The following STRAP variants were observed in gnomAD, a reference collection of about 807,000 sequenced individuals.
STRAP encodes the protein serine/threonine kinase receptor associated protein, also known as serine-threonine kinase receptor-associated protein.
STRAP carries 16 observed loss-of-function variants against 47.0 expected under a neutral mutation model. That is an observed-to-expected ratio of 0.34 (90% CI 0.23 to 0.52). STRAP has a LOEUF of 0.52. Ranked by LOEUF, STRAP falls within the 20% of genes least tolerant of loss-of-function variation. The pLI, the probability that STRAP is intolerant of heterozygous loss-of-function variation, is 0.96. For synonymous variants in STRAP, 130 were observed against 142.7 expected (o/e 0.91, Z 0.63); for missense variants, 293 against 420.0 (o/e 0.70, Z 2.64).
chr12:15,886,518 A>C (rs1004670867), intron 2 of STRAP, among the ~76,000 whole-genome samples: 7 of 152,188 alleles, frequency 4.6e-5, no homozygotes, highest in Non-Finnish European at 7.3e-5. Flanking sequence ...GAACAGAGAG[A>C]TCTTTCTCCA....
intron 7 of STRAP, among the ~76,000 whole-genome samples, chr12:15,898,714 T>C (rs963549702): frequency 6.6e-6 from 1 of 151,202 alleles, no homozygotes; most frequent in Non-Finnish European, 1.5e-5. Flanking sequence ...TTTTAGCCTT[T>C]CCAAATAGTT....
chr12:15,898,222 G>C, intron 7 of STRAP: 1 of 305,582 alleles, frequency 3.3e-6, no homozygotes, highest in South Asian at 6.1e-5. Flanking sequence ...TGTAAACAAA[G>C]TATGCAGAAA....
At chr12:15,897,162 C>T (rs1948066000) in intron 6 of STRAP, among the ~76,000 whole-genome samples, 1 of 152,148 alleles carries the variant, frequency 6.6e-6, no homozygotes, top group African/African-American at 2.4e-5. Flanking sequence ...CTTTAATTAA[C>T]ATGCTTTAAA....
chr12:15,891,529 A>G (rs1186839363), intron 4 of STRAP, among the ~76,000 whole-genome samples: 1 of 152,252 alleles, frequency 6.6e-6, no homozygotes, highest in East Asian at 1.9e-4. Flanking sequence ...GGCTACTTAC[A>G]GATTTTAAAT....
chr12:15,901,188 C>A (rs529384228), intron 9 of STRAP, among the ~76,000 whole-genome samples, 176 bp downstream of exon 9: 28 of 151,964 alleles, frequency 1.8e-4, no homozygotes, highest in Non-Finnish European at 3.5e-4. Flanking sequence ...TATTTAAATA[C>A]CTACTGCATA....
chr12:15,883,926 T>G (rs1044994331), intron 2 of STRAP, among the ~76,000 whole-genome samples: 72 of 152,238 alleles, frequency 4.7e-4, no homozygotes, highest in African/African-American at 1.7e-3. Flanking sequence ...CTCAGGAATC[T>G]GCATTAACAA....
Position 15,900,952 on chromosome 12 carries a change from G to A in STRAP, c.931G>A (p.Asp311Asn), listed in dbSNP as rs756855420. ...CATTGCTTTTCTTTTTACAGAAGAA[G>A]ATAGTGGTGAGCTGGCAAAGCCAAA... ...GLWKCVLPEE[D>N]SGELAKPKIG... Residue 311 changes from aspartate (D) to asparagine (N), a missense_variant, in exon 9 of 10, where the codon GAT (aspartate) becomes AAT (asparagine). By Grantham distance (23) the Asp-to-Asn change is conservative (BLOSUM62 1). Around this residue, in one of 5 missense-constraint regions of STRAP, gnomAD observed 52 missense variants for 45.0 expected, o/e 1.16. Transcript: ENST00000419869. 3.8e-6 allele frequency: 6 copies of A among 1,592,636 alleles called. 1 individual carries two copies. The South Asian group carries it at 6.9e-5, about 18-fold the overall frequency.
intron 2 of STRAP, among the ~76,000 whole-genome samples, chr12:15,884,533 A>C (rs1035071717): frequency 6.7e-6 from 1 of 148,678 alleles, no homozygotes; most frequent in African/African-American, 2.5e-5. Context: ...CTTTTTTACT[A>C]TATATTTATA....
At chr12:15,882,928 G>A in intron 1 of STRAP, 109 bp downstream of exon 1, 3 of 1,349,026 alleles carry the variant, frequency 2.2e-6, no homozygotes, top group Non-Finnish European at 3.1e-6. Flanking sequence ...GGGAGGGGGC[G>A]ATATTAACAT....
intron 8 of STRAP, 36 bp downstream of exon 8, chr12:15,900,089 A>G: frequency 6.4e-7 from 1 of 1,571,526 alleles, no homozygotes; most frequent in Non-Finnish European, 8.6e-7. Context: ...AAATTTTTAA[A>G]ATGCATGATT....
At chr12:15,898,199 G>C (rs950301246) in intron 7 of STRAP, 181 bp downstream of exon 7, 10 of 382,494 alleles carry the variant, frequency 2.6e-5, no homozygotes, top group African/African-American at 2.2e-4. Context: ...TGGGTCAGAT[G>C]CTTTTATAGA....
At chr12:15,893,258 C>G (rs1287077727) in intron 4 of STRAP, among the ~76,000 whole-genome samples, 1 of 151,772 alleles carries the variant, frequency 6.6e-6, no homozygotes, top group East Asian at 1.9e-4. Context: ...TTTTTTCCTT[C>G]CAACCCTTAT....
chr12:15,900,105 T>G lies in STRAP; in HGVS notation c.925+52T>G, dbSNP rs543283895. On this transcript the variant is annotated intron_variant, in intron 8 of 9. Coordinates refer to ENST00000419869, the MANE Select transcript of STRAP (RefSeq NM_007178.4). ...AATTTTTAAAATGCATGATTTTATG[T>G]CATTTTTAATCATTAATTTTATTTC... is the stretch of plus-strand genomic sequence containing the variant. 7 of 1,489,904 alleles carry G rather than the reference T, an allele frequency of 4.7e-6. No individual in the cohort carries two copies. The Middle Eastern group carries it at 5.5e-4, about 117-fold the overall frequency. 92.3% of individuals were successfully genotyped at this position (1,489,904 alleles called of 1,614,324 possible). A position where few individuals can be genotyped will look rare whatever the true frequency, so the allele number is the denominator to read the frequency against.
chr12:15,900,770 A>G (rs1948096440), intron 8 of STRAP, 177 bp from the exon 9 acceptor site: 1 of 445,484 alleles, frequency 2.2e-6, no homozygotes, highest in Non-Finnish European at 3.8e-6. Flanking sequence ...CCTAAAAGTA[A>G]TTTTAAAGAA....
chr12:15,894,091 C>G lies in STRAP; in HGVS notation c.448C>G (p.Leu150Val), dbSNP rs1197060982. ...TCATACTTCTGGTATAAAAAAAGCTCTGTGGTGCAGTGAGGATAAACAGAT... is the reference window on the plus strand; with the variant it reads ...TCATACTTCTGGTATAAAAAAAGCTGTGTGGTGCAGTGAGGATAAACAGAT... The part of the protein sequence containing the change: ...SGHTSGIKKA[L>V]WCSEDKQILS... Residue 150 changes from leucine to valine, a missense_variant, in exon 5 of 10, where the codon CTG becomes GTG. Physicochemically the swap from Leu to Val is conservative, Grantham distance 32. Around this residue, in one of 5 missense-constraint regions of STRAP, gnomAD observed 152 missense variants for 183.0 expected, o/e 0.83. Coordinates refer to ENST00000419869, the MANE Select transcript of STRAP (RefSeq NM_007178.4). The surrounding 1 kb of genome is among the most constrained non-coding windows in gnomAD (Gnocchi z 4.9). 4.3e-6 allele frequency: 7 copies of G among 1,613,640 alleles called. No individual in the cohort carries two copies. The highest frequency in any genetic ancestry group is 5.9e-6 in the Non-Finnish European group (7 of 1,179,866).
At chr12:15,893,289 T>A (rs1483922262) in intron 4 of STRAP, among the ~76,000 whole-genome samples, 2 of 151,920 alleles carry the variant, frequency 1.3e-5, no homozygotes, top group Non-Finnish European at 2.9e-5. Flanking sequence ...TTACTATCAA[T>A]AGCTGCTTGG....
chr12:15,884,066 A>T (rs1247904886), intron 2 of STRAP, among the ~76,000 whole-genome samples: 3 of 152,210 alleles, frequency 2.0e-5, no homozygotes, highest in Non-Finnish European at 4.4e-5. Context: ...TTTAGGCATC[A>T]TTAAAACTCA....
Position 15,896,776 on chromosome 12 carries a change from C to G in STRAP, c.639-1106C>G, listed in dbSNP as rs1048331721. On this transcript the variant is annotated intron_variant, in intron 6 of 9. Transcript: ENST00000419869. This position sits in a 1 kb window ranked among gnomAD's most constrained non-coding sequence, Gnocchi z 4.1. Reference sequence around the variant, plus strand: ...GATCCTGTAAGTAGAATTATCAGTTCAAAGGCTAGAAATGAGTTTAAAGTT... The same window carrying G: ...GATCCTGTAAGTAGAATTATCAGTTGAAAGGCTAGAAATGAGTTTAAAGTT... 6.6e-5 allele frequency among the ~76,000 whole-genome samples: 10 copies of G among 152,138 alleles called. No individual in the cohort carries two copies. Among genetic ancestry groups the G allele is most frequent in the African/African-American group, 2.2e-4 (9 of 41,430 alleles).
intron 9 of STRAP, among the ~76,000 whole-genome samples, chr12:15,901,343 T>C (rs894604859): frequency 1.3e-5 from 2 of 152,020 alleles, no homozygotes; most frequent in African/African-American, 4.8e-5. Context: ...ACATTTAAAC[T>C]GGGAACTAAG....
Sources: gnomAD v4.1 joint callset for allele counts (sites outside exome capture counted in the v4.1 genomes callset) on GRCh38, gnomAD v4.1.1 for gene constraint, gnomAD v4.1.1 regional missense constraint, Gnocchi (gnomAD v3.1) non-coding constraint, MANE v1.5 for transcripts, NCBI Gene and HGNC (gene_info 2026-07-23, HGNC 2026-07-21) for gene names.